SON: variants seen among roughly 807,000 people sequenced by gnomAD.
SON encodes the protein protein SON.
In SON, 4 loss-of-function variants were observed where a neutral mutation model predicts 173.3. That is an observed-to-expected ratio of 0.02 (90% CI 0.01 to 0.05). The LOEUF (loss-of-function observed/expected upper bound fraction) is 0.05, where lower values mean the gene tolerates loss of function less well. Ranked by LOEUF, SON falls within the 10% of genes least tolerant of loss-of-function variation. SON has a pLI of 1.00. For synonymous variants in SON, 1,190 were observed against 1,105.9 expected (o/e 1.08, Z -1.51); for missense variants, 2,626 against 3,055.3 (o/e 0.86, Z 3.31).
At chr21:33,575,940 G>T in intron 11 of SON, 47 bp downstream of exon 11, 1 of 911,998 alleles carries the variant, frequency 1.1e-6, no homozygotes, top group South Asian at 1.6e-5. Context: ...TTAATGTGAT[G>T]ACTTAGAGGG....
At chr21:33,566,143 A>G (rs980881858) in intron 6 of SON, among the ~76,000 whole-genome samples, 7 of 152,152 alleles carry the variant, frequency 4.6e-5, no homozygotes, top group Admixed American at 2.0e-4. Flanking sequence ...TGCAGTGTCT[A>G]CTTATTCTTT....
chr21:33,546,204 C>G lies in SON; in HGVS notation c.78-9C>G. The G allele has an allele frequency of 6.3e-7, 1 of 1,583,712 alleles. No individual in the cohort carries two copies. The highest frequency in any genetic ancestry group is 8.5e-7 in the Non-Finnish European group (1 of 1,170,030). On this transcript the variant is annotated splice_polypyrimidine_tract_variant and intron_variant, in intron 1 of 11. Transcript: ENST00000356577. ...ATATTAATGAATTTCGATAACTTTT[C>G]ATGTCAAGTGGAAGGAATGAAGGCC... is the stretch of plus-strand genomic sequence containing the variant.
chr21:33,560,201 A>T, intron 6 of SON: 1 of 1,552,228 alleles, frequency 6.4e-7, no homozygotes, highest in South Asian at 1.3e-5. Flanking sequence ...ACTGGATTGG[A>T]AAAGGTCATT....
At chr21:33,560,282 GTTGT>G (rs1346621131) in intron 6 of SON, 16 of 1,429,740 alleles carry the variant, frequency 1.1e-5, no homozygotes, top group Admixed American at 2.7e-5. Flanking sequence ...GTTTCTCTGG[GTTGT>G]TTGTCAGATA....
At chr21:33,571,280 CT>C (rs1482220446) in intron 8 of SON, among the ~76,000 whole-genome samples, 1 of 152,120 alleles carries the variant, frequency 6.6e-6, no homozygotes, top group Non-Finnish European at 1.5e-5. Flanking sequence ...CATTAGGCAG[CT>C]GAAAATTTAG....
chr21:33,550,701 G>A lies in SON; in HGVS notation c.1470G>A (p.Glu490=). 6.2e-7 allele frequency: 1 copy of A among 1,613,906 alleles called. No individual in the cohort carries two copies. The highest frequency in any genetic ancestry group is 1.1e-5 in the South Asian group (1 of 91,068). The change falls in exon 3 of 12, where the codon GAG becomes GAA. Residue 490 remains glutamate, a synonymous_variant. Transcript: ENST00000356577. Reference sequence around the variant, plus strand: ...TGCCTTTGGTGACAGCAGCAGTAGAGTTGCCAGAGCAGCCTGCGGTAACAG... The same window carrying A: ...TGCCTTTGGTGACAGCAGCAGTAGAATTGCCAGAGCAGCCTGCGGTAACAG... ...PGLPLVTAAV[E]LPEQPAVTVA... is the part of the protein sequence containing the mutation.
intron 8 of SON, 92 bp downstream of exon 8, chr21:33,569,179 T>G (rs568803078): frequency 5.5e-6 from 4 of 726,474 alleles, no homozygotes; most frequent in African/African-American, 5.4e-5. Flanking sequence ...GACCAGTGAC[T>G]CTAACCAAAG....
In SON at chr21:33,554,494, C is replaced by T. The variant is rs1474220077; in HGVS notation, c.5263C>T (p.Pro1755Ser). ...AAGCCTTAGAGCTGGCATTGAAGGA[C>T]CTTTACTTGCAAGTGATGTTGGACG... ...LTSLRAGIEG[P>S]LLASDVGRDR... Residue 1755 changes from proline (P) to serine (S), a missense_variant, in exon 3 of 12, where the codon CCT (proline) becomes TCT (serine). Pro to Ser is a moderately conservative substitution (Grantham distance 74). This residue lies in a region of SON where 1,006 missense variants were observed against 895.6 expected (regional missense o/e 1.12). Transcript: ENST00000356577. 1.9e-6 allele frequency: 3 copies of T among 1,614,004 alleles called. No individual in the cohort carries two copies. Among genetic ancestry groups the T allele is most frequent in the Non-Finnish European group, 1.7e-6 (2 of 1,180,036 alleles).
At chr21:33,573,487 C>G in intron 9 of SON, 32 bp downstream of exon 9, 1 of 1,588,508 alleles carries the variant, frequency 6.3e-7, no homozygotes, top group Non-Finnish European at 8.6e-7. Context: ...TGTTTATTAA[C>G]GTCTCCTTTA....
At chr21:33,572,030 TAGA>T (rs1017052027) in intron 8 of SON, 2 of 152,088 alleles carry the variant, frequency 1.3e-5, no homozygotes, top group African/African-American at 2.4e-5. Flanking sequence ...CAAAAGATGA[TAGA>T]TACAGTTTTA....
At position 33,577,156 on chromosome 21, in the gene SON, AAAT is replaced by A. The variant is rs1329077451; in HGVS notation, c.*733_*735del. Reference sequence around the variant, plus strand: ...ACTTGGGTCATAAGAAGGGAGTAAAAAATGAAGTCTGACTAGAATTCTATTGCA... The same window carrying A: ...ACTTGGGTCATAAGAAGGGAGTAAAAGAAGTCTGACTAGAATTCTATTGCA... On this transcript the variant is annotated 3_prime_UTR_variant, in exon 12 of 12. Coordinates refer to ENST00000356577, the MANE Select transcript of SON (RefSeq NM_138927.4). 1.4e-5 allele frequency: 2 copies of A among 146,726 alleles called. No individual in the cohort carries two copies. The highest frequency in any genetic ancestry group is 3.0e-5 in the Non-Finnish European group (2 of 67,270). The allele number at this position is 146,726 out of a possible 1,614,324, so 9.1% of individuals were successfully genotyped here.
intron 6 of SON, among the ~76,000 whole-genome samples, chr21:33,562,333 A>G (rs2086085030): frequency 6.6e-6 from 1 of 152,158 alleles, no homozygotes; most frequent in African/African-American, 2.4e-5. Context: ...GTAAAAGGAG[A>G]TAGTTCTTTT....
At chr21:33,557,339 T>G (rs1046648263) in intron 4 of SON, 23 bp downstream of exon 4, 6 of 1,612,616 alleles carry the variant, frequency 3.7e-6, no homozygotes, top group Non-Finnish European at 4.2e-6. Context: ...GAATTTGTTT[T>G]CATTCTTAAA....
chr21:33,555,410 T>C lies in SON; in HGVS notation c.6160+19T>C, dbSNP rs780333928. The stretch of plus-strand genomic sequence containing the variant: ...GATTTGGGTGAGTCATTTTAAAGTT[T>C]AATGGGATGGTAGTAGAAAATGTTT... On this transcript the variant is annotated intron_variant, in intron 3 of 11. Coordinates refer to ENST00000356577, the MANE Select transcript of SON (RefSeq NM_138927.4). The C allele has an allele frequency of 6.7e-7, 1 of 1,494,936 alleles. No homozygotes were observed. The highest frequency in any genetic ancestry group is 1.4e-5 in the South Asian group (1 of 73,878). The allele number at this position is 1,494,936 out of a possible 1,614,324, so 92.6% of individuals were successfully genotyped here.
chr21:33,554,973 C>T lies in SON; in HGVS notation c.5742C>T (p.Asn1914=). The T allele has an allele frequency of 6.2e-7, 1 of 1,613,790 alleles. No individual in the cohort carries two copies. The highest frequency in any genetic ancestry group is 8.5e-7 in the Non-Finnish European group (1 of 1,179,998). The change falls in exon 3 of 12, where the codon AAC becomes AAT. Residue 1914 remains asparagine, a synonymous_variant. Coordinates refer to ENST00000356577, the MANE Select transcript of SON (RefSeq NM_138927.4). ...RKRKRSSSRD[N]RKTVRARSRT... is the part of the protein sequence containing the mutation. ...GAAAAAGATCAAGCTCCAGGGATAACCGAAAGACAGTTAGAGCTCGAAGTC... is the reference window on the plus strand; with the variant it reads ...GAAAAAGATCAAGCTCCAGGGATAATCGAAAGACAGTTAGAGCTCGAAGTC...
intron 2 of SON, among the ~76,000 whole-genome samples, chr21:33,548,186 T>C (rs905933757): frequency 1.3e-5 from 2 of 151,628 alleles, no homozygotes; most frequent in African/African-American, 4.9e-5. Flanking sequence ...CTTCTTAAGT[T>C]GTAAATTAAG....
intron 8 of SON, chr21:33,569,623 C>T (rs1236022541): frequency 4.3e-6 from 2 of 463,848 alleles, no homozygotes; most frequent in Admixed American, 4.8e-5. Flanking sequence ...CCTCACTCCT[C>T]TTGTGACCTG....
chr21:33,568,956 A>G lies in SON; in HGVS notation c.6769-15A>G, dbSNP rs774106941. The G allele has an allele frequency of 1.1e-5, 16 of 1,506,864 alleles. No individual in the cohort carries two copies. The African/African-American group carries it at 2.2e-4, about 21-fold the overall frequency. 93.3% of individuals were successfully genotyped at this position (1,506,864 alleles called of 1,614,324 possible). On this transcript the variant is annotated splice_polypyrimidine_tract_variant and intron_variant, in intron 7 of 11. Transcript: ENST00000356577. ...TAATTTTACTTAGTTAACTGAGACT[A>G]CTTCTTTTCTTCAGATTGATGCCTG... is the stretch of plus-strand genomic sequence containing the variant.
Position 33,553,830 on chromosome 21 carries a change from C to T in SON, c.4599C>T (p.Asp1533=). The T allele has an allele frequency of 1.2e-6, 2 of 1,613,782 alleles. No individual in the cohort carries two copies. The highest frequency in any genetic ancestry group is 1.7e-6 in the Non-Finnish European group (2 of 1,179,800). ...AAAGTGAACATGGTATAAATATAGACCTTAATATAAATAATCATTTAATTG... is the reference window on the plus strand; with the variant it reads ...AAAGTGAACATGGTATAAATATAGATCTTAATATAAATAATCATTTAATTG... The part of the protein sequence containing the change: ...FYESEHGINI[D]LNINNHLIAK... Residue 1533 remains aspartate (D), a synonymous_variant, in exon 3 of 12, where the codon GAC becomes GAT. Coordinates refer to ENST00000356577, the MANE Select transcript of SON (RefSeq NM_138927.4).
Sources: gnomAD v4.1 joint callset for allele counts (sites outside exome capture counted in the v4.1 genomes callset) on GRCh38, gnomAD v4.1.1 for gene constraint, gnomAD v4.1.1 regional missense constraint, MANE v1.5 for transcripts, NCBI Gene and HGNC (gene_info 2026-07-23, HGNC 2026-07-21) for gene names.